ST7: variants seen among roughly 807,000 people sequenced by gnomAD.
ST7 encodes suppressor of tumorigenicity 7 protein.
In ST7, 28 loss-of-function variants were observed where a neutral mutation model predicts 78.7. The ratio of observed to expected loss-of-function variants is 0.36; its 90% confidence interval spans 0.26 to 0.49. The LOEUF (loss-of-function observed/expected upper bound fraction) is 0.49. Ranked by LOEUF, ST7 falls within the 20% of genes least tolerant of loss-of-function variation. The pLI, the probability that ST7 is intolerant of heterozygous loss-of-function variation, is 0.99. For synonymous variants in ST7, 247 were observed against 249.6 expected (o/e 0.99, Z 0.10); for missense variants, 418 against 696.0 (o/e 0.60, Z 4.49).
At chr7:117,152,199 A>G (rs1388574583) in intron 9 of ST7, among the ~76,000 whole-genome samples, 3 of 74,534 alleles carry the variant, frequency 4.0e-5, no homozygotes, top group East Asian at 4.4e-4. Context: ...ATATATATAT[A>G]TATATATATA....
rs573177963 is a variant in ST7 at position 117,003,688 on chromosome 7, C to T, written c.151+49997C>T. ...GCTCAAGTGATCCTCCTGCCTCAGCCTCCCAAAGTGCTAGCATTAGAGCGT... is the reference window on the plus strand; with the variant it reads ...GCTCAAGTGATCCTCCTGCCTCAGCTTCCCAAAGTGCTAGCATTAGAGCGT... On this transcript the variant is annotated intron_variant, in intron 1 of 15. Coordinates refer to ENST00000323984, the MANE Select transcript of ST7 (RefSeq NM_001369598.1). Among the ~76,000 whole-genome samples the T allele has an allele frequency of 2.6e-5, 4 of 152,250 alleles. No individual in the cohort carries two copies. The South Asian group carries it at 8.3e-4, about 32-fold the overall frequency.
intron 1 of ST7, among the ~76,000 whole-genome samples, chr7:116,977,766 A>G (rs1793770223): frequency 6.6e-6 from 1 of 152,144 alleles, no homozygotes; most frequent in African/African-American, 2.4e-5. Flanking sequence ...GTTGGTCAGG[A>G]TGGTCTCGAT....
At chr7:117,177,756 C>G (rs1391591501) in intron 10 of ST7, among the ~76,000 whole-genome samples, 2 of 152,082 alleles carry the variant, frequency 1.3e-5, no homozygotes, top group Admixed American at 6.6e-5. Flanking sequence ...AAATTTTTCC[C>G]TTTGGTTGGA....
intron 13 of ST7, among the ~76,000 whole-genome samples, chr7:117,211,947 A>G (rs1221461496): frequency 6.6e-6 from 1 of 152,166 alleles, no homozygotes; most frequent in Non-Finnish European, 1.5e-5. Flanking sequence ...ATAACACAGT[A>G]TGGCCAGGTA....
rs1400462352 is a variant in ST7, at chr7:117,190,373, G to T, written c.1152-461G>T. ...CCTCTGCCGGAATGGCCCCAAGCAG[G>T]CTCGCCTGCTGCTGAAGCTGCAACG... On this transcript the variant is annotated intron_variant, in intron 11 of 15. Coordinates refer to ENST00000323984, the MANE Select transcript of ST7 (RefSeq NM_001369598.1). This position sits in a 1 kb window ranked among gnomAD's most constrained non-coding sequence, Gnocchi z 5.2. 5.9e-6 allele frequency: 1 copy of T among 170,298 alleles called. No individual in the cohort carries two copies. The highest frequency in any genetic ancestry group is 2.4e-5 in the African/African-American group (1 of 41,610). The allele number at this position is 170,298 out of a possible 1,614,324, so 10.5% of individuals were successfully genotyped here.
At chr7:116,967,084 T>C (rs1167860306) in intron 1 of ST7, among the ~76,000 whole-genome samples, 2 of 151,750 alleles carry the variant, frequency 1.3e-5, no homozygotes, top group Non-Finnish European at 2.9e-5. Flanking sequence ...AAATATCAAA[T>C]GATTCACTTT....
chr7:117,127,556 T>C (rs1365419846), intron 3 of ST7, among the ~76,000 whole-genome samples: 1 of 151,966 alleles, frequency 6.6e-6, no homozygotes, highest in African/African-American at 2.4e-5. Context: ...TGAAGACATT[T>C]CTTAGATACT....
chr7:116,990,564 A>G (rs906543507), intron 1 of ST7, among the ~76,000 whole-genome samples: 20 of 152,288 alleles, frequency 1.3e-4, no homozygotes, highest in African/African-American at 4.8e-4. Context: ...TCTCTTTGTG[A>G]TATAATTTGC....
At chr7:117,061,183 T>A (rs1010726921) in intron 1 of ST7, among the ~76,000 whole-genome samples, 1 of 152,210 alleles carries the variant, frequency 6.6e-6, no homozygotes, top group Non-Finnish European at 1.5e-5. Flanking sequence ...GGTCCTGCCA[T>A]TTTAAAGACA....
chr7:117,214,311 CT>C lies in ST7; in HGVS notation c.1405+4375del, dbSNP rs569837590. Reference sequence around the variant, plus strand: ...AGATCCCCCCGCCCCAAAGAATCCACTAAATAATGTATAAGATTTGAGGATG... The same window carrying C: ...AGATCCCCCCGCCCCAAAGAATCCACAAATAATGTATAAGATTTGAGGATG... On this transcript the variant is annotated intron_variant, in intron 13 of 15. Transcript: ENST00000323984. Among the ~76,000 whole-genome samples, 29 of 152,150 alleles carry C rather than the reference CT, an allele frequency of 1.9e-4. No homozygotes were observed. The East Asian group carries it at 5.2e-3, about 27-fold the overall frequency.
intron 12 of ST7, among the ~76,000 whole-genome samples, chr7:117,203,495 A>G (rs912980608): frequency 5.3e-5 from 8 of 152,198 alleles, no homozygotes; most frequent in Non-Finnish European, 1.2e-4. Flanking sequence ...TGCTTTTGGT[A>G]GGCTTTGATG....
chr7:117,062,128 G>A (rs1798389924), intron 1 of ST7, among the ~76,000 whole-genome samples: 1 of 152,124 alleles, frequency 6.6e-6, no homozygotes, highest in African/African-American at 2.4e-5. Flanking sequence ...TGGGAGAGAG[G>A]GAGAGAGGAA....
In ST7 at chr7:117,182,952, T is replaced by C. The variant is rs985928685; in HGVS notation, c.1079-6369T>C. Reference sequence around the variant, plus strand: ...AGATTGACGAACAATAATCAGATTCTGTTTTCTTATGGAAGGTGTAAGTGA... The same window carrying C: ...AGATTGACGAACAATAATCAGATTCCGTTTTCTTATGGAAGGTGTAAGTGA... On this transcript the variant is annotated intron_variant, in intron 10 of 15. Transcript: ENST00000323984. Among the ~76,000 whole-genome samples the C allele has an allele frequency of 4.6e-5, 7 of 152,302 alleles. No individual in the cohort carries two copies. The East Asian group carries it at 1.2e-3, about 25-fold the overall frequency.
chr7:117,148,829 G>C (rs1165840362), intron 9 of ST7, among the ~76,000 whole-genome samples: 1 of 152,166 alleles, frequency 6.6e-6, no homozygotes, highest in Non-Finnish European at 1.5e-5. Context: ...TGTGTGGGGA[G>C]CACTGATGTC....
intron 1 of ST7, among the ~76,000 whole-genome samples, chr7:117,021,285 G>A (rs1416806090): frequency 6.6e-6 from 1 of 152,146 alleles, no homozygotes; most frequent in African/African-American, 2.4e-5. Context: ...GACAGCAGTT[G>A]TAGACAGCTA....
At chr7:117,054,797 G>A (rs1434462437) in intron 1 of ST7, among the ~76,000 whole-genome samples, 2 of 152,178 alleles carry the variant, frequency 1.3e-5, no homozygotes, top group Non-Finnish European at 2.9e-5. Flanking sequence ...TGCTGGACAT[G>A]CCAGGAAAAT....
Position 117,136,186 on chromosome 7 carries a change from A to G in ST7, c.816A>G (p.Arg272=). ...TGAAGGCTGGAGATGGCTGTTACCG[A>G]CGCTCTCAGCAGCTACAACATCATG... ...QALKAGDGCY[R]RSQQLQHHGS... Residue 272 remains arginine, a synonymous_variant, in exon 8 of 16, where the codon CGA becomes CGG. Transcript: ENST00000323984. The G allele has an allele frequency of 6.2e-7, 1 of 1,613,656 alleles. No individual in the cohort carries two copies. The highest frequency in any genetic ancestry group is 1.7e-4 in the Middle Eastern group (1 of 6,058).
At chr7:117,194,212 C>G (rs1392252001) in intron 12 of ST7, among the ~76,000 whole-genome samples, 1 of 152,144 alleles carries the variant, frequency 6.6e-6, no homozygotes, top group Non-Finnish European at 1.5e-5. Flanking sequence ...ATTGTCACTC[C>G]CTCCTGAGAA....
chr7:117,036,208 C>G (rs1796888331), intron 1 of ST7, among the ~76,000 whole-genome samples: 1 of 152,178 alleles, frequency 6.6e-6, no homozygotes, highest in Non-Finnish European at 1.5e-5. Flanking sequence ...ACTCTTTGTT[C>G]CTGAAGCACT....
Sources: allele counts gnomAD v4.1 joint callset (sites outside exome capture counted in the v4.1 genomes callset), GRCh38; gene constraint gnomAD v4.1.1; non-coding constraint Gnocchi (gnomAD v3.1); transcripts MANE v1.5; gene names NCBI Gene and HGNC (gene_info 2026-07-23, HGNC 2026-07-21).